Variants in LRGUK observed in about 807,000 individuals in gnomAD.
The protein encoded by LRGUK is leucine rich repeats and guanylate kinase domain containing, also known as leucine-rich repeat and guanylate kinase domain-containing protein.
A neutral mutation model predicts 76.0 loss-of-function variants in LRGUK; 65 were observed. The ratio of observed to expected loss-of-function variants is 0.85; its 90% CI spans 0.70 to 1.05. LRGUK has a LOEUF of 1.05. Ranked by LOEUF, LRGUK falls within the 50% of genes least tolerant of loss-of-function variation. The pLI is 0.00. For missense variants in LRGUK, 758 were observed against 732.8 expected (o/e 1.03, Z -0.40); for synonymous variants, 268 against 265.6 (o/e 1.01, Z -0.09).
intron 5 of LRGUK, among the ~76,000 whole-genome samples, chr7:134,151,068 A>G (rs1275322267): frequency 6.6e-6 from 1 of 152,200 alleles, no homozygotes; most frequent in East Asian, 1.9e-4. Context: ...TTGAAACAGC[A>G]TGAAATATAC....
chr7:134,243,712 A>G (rs951163438), intron 16 of LRGUK, among the ~76,000 whole-genome samples: 48 of 152,224 alleles, frequency 3.2e-4, no homozygotes, highest in Non-Finnish European at 5.4e-4. Flanking sequence ...TTTAAAGTTC[A>G]TATGGAACCA....
intron 16 of LRGUK, among the ~76,000 whole-genome samples, chr7:134,243,746 C>CA (rs1190357121): frequency 6.6e-6 from 1 of 152,206 alleles, no homozygotes; most frequent in Non-Finnish European, 1.5e-5. Context: ...ATTGCCAAGA[C>CA]AATCCTAAGC....
At chr7:134,226,218 A>ATGTGTGTGTG (rs57035440) in intron 16 of LRGUK, among the ~76,000 whole-genome samples, 2,116 of 141,748 alleles carry the variant, frequency 0.015, 62 homozygotes, top group African/African-American at 0.052. Context: ...CCCATCTCCA[A>ATGTGTGTGTG]TGTGTGTGTG....
chr7:134,127,811 T>C (rs1299334979), intron 1 of LRGUK, 147 bp downstream of exon 1: 3 of 845,966 alleles, frequency 3.5e-6, no homozygotes, highest in African/African-American at 1.8e-5. Context: ...CTTCCCCCTC[T>C]TTTCTTCCCC....
intron 5 of LRGUK, among the ~76,000 whole-genome samples, chr7:134,154,433 A>G (rs1279399331): frequency 6.6e-6 from 1 of 152,196 alleles, no homozygotes; most frequent in East Asian, 1.9e-4. Context: ...AAAGCTCTCT[A>G]TGGCCCAGGC....
chr7:134,197,950 C>G (rs1800576378), intron 13 of LRGUK, among the ~76,000 whole-genome samples: 2 of 152,092 alleles, frequency 1.3e-5, no homozygotes, highest in Admixed American at 6.6e-5. Flanking sequence ...TCAATTAGAT[C>G]AAATATACAG....
At chr7:134,148,315 G>A (rs1438420330) in exon 5 of LRGUK, 1 of 1,569,842 alleles carries the variant, frequency 6.4e-7, no homozygotes, top group Non-Finnish European at 8.7e-7. Context: ...AACTAATTTT[G>A]GATGGTATCC....
At chr7:134,143,251 A>G in intron 4 of LRGUK, 89 bp downstream of exon 4, 1 of 776,248 alleles carries the variant, frequency 1.3e-6, no homozygotes, top group South Asian at 1.5e-5. Context: ...GAGAATTCAG[A>G]GAGAATAAGA....
intron 10 of LRGUK, among the ~76,000 whole-genome samples, chr7:134,181,274 T>G (rs1238761815): frequency 4.6e-5 from 7 of 152,146 alleles, no homozygotes; most frequent in Admixed American, 1.3e-4. Context: ...TTTTGCTAAA[T>G]ATAAAATTCA....
At chr7:134,153,410 G>A (rs1798315472) in intron 5 of LRGUK, among the ~76,000 whole-genome samples, 1 of 151,986 alleles carries the variant, frequency 6.6e-6, no homozygotes, top group African/African-American at 2.4e-5. Flanking sequence ...CCAAGTTTAT[G>A]TAAATATACT....
chr7:134,183,917 G>T, intron 11 of LRGUK, 64 bp downstream of exon 11: 1 of 1,579,974 alleles, frequency 6.3e-7, no homozygotes. Context: ...GGTATCAATA[G>T]TTGTAGTAAA....
downstream of LRGUK, among the ~76,000 whole-genome samples, chr7:134,213,866 A>C (rs191613878): frequency 6.6e-6 from 1 of 152,180 alleles, no homozygotes; most frequent in Non-Finnish European, 1.5e-5. Flanking sequence ...AAAAATTGCC[A>C]TTTTCCATCT....
intron 1 of LRGUK, among the ~76,000 whole-genome samples, chr7:134,129,973 A>G (rs1001713860): frequency 4.6e-5 from 7 of 151,838 alleles, no homozygotes; most frequent in African/African-American, 9.7e-5. Context: ...GTCTTCTGTT[A>G]CTCTGATTCT....
At chr7:134,256,523 T>C (rs999174580) in intron 18 of LRGUK, among the ~76,000 whole-genome samples, 4 of 150,348 alleles carry the variant, frequency 2.7e-5, no homozygotes, top group African/African-American at 7.4e-5. Context: ...CAAGCCAGCA[T>C]CTTTCTATCA....
chr7:134,179,956 C>CT (rs1283363202), intron 10 of LRGUK, among the ~76,000 whole-genome samples: 2 of 152,182 alleles, frequency 1.3e-5, no homozygotes, highest in Non-Finnish European at 2.9e-5. Flanking sequence ...GACTTGTATG[C>CT]TGCCATTACT....
exon 11 of LRGUK, chr7:134,183,752 T>C (rs942184936): frequency 3.1e-6 from 5 of 1,614,034 alleles, no homozygotes; most frequent in Non-Finnish European, 3.4e-6. Context: ...CCAGCCTGGA[T>C]GCCCCTTATC....
At chr7:134,180,004 G>A (rs995683167) in intron 10 of LRGUK, among the ~76,000 whole-genome samples, 1 of 152,174 alleles carries the variant, frequency 6.6e-6, no homozygotes, top group African/African-American at 2.4e-5. Flanking sequence ...TAATTGGGGT[G>A]AGGATACAGT....
rs766690669 is a variant in LRGUK, at chr7:134,158,017, C to T, written c.671-18C>T. Reference sequence around the variant, plus strand: ...TGCTTTTAATAACATTTTCCTTAAACGTAGTCATGGTGTATAGGCAATGAG... The same window carrying T: ...TGCTTTTAATAACATTTTCCTTAAATGTAGTCATGGTGTATAGGCAATGAG... On this transcript the variant is annotated intron_variant, in intron 5 of 15. Coordinates refer to ENST00000645682, the Ensembl canonical transcript of LRGUK. The T allele has an allele frequency of 1.6e-5, 26 of 1,589,304 alleles. No individual in the cohort carries two copies. Among genetic ancestry groups the T allele is most frequent in the Admixed American group, 8.5e-5 (5 of 58,972 alleles).
In LRGUK at chr7:134,221,742, GACTTTTATTTTAA is replaced by G. The variant is rs535430318; in HGVS notation, c.1844-31_1844-19del. On this transcript the variant is annotated intron_variant, in intron 15 of 19. Coordinates refer to the LRGUK transcript ENST00000285928. ...CTATCACTTCAGAAATTTCCTTTAT[GACTTTTATTTTAA>G]ACTTTATTTTTTTTTCCTACCAGAT... 391 of 1,426,342 alleles carry G rather than the reference GACTTTTATTTTAA, an allele frequency of 2.7e-4. 2 individuals are homozygous for G. The African/African-American group carries it at 5.1e-3, about 19-fold the overall frequency. 88.4% of individuals were successfully genotyped at this position (1,426,342 alleles called of 1,614,324 possible).
Sources: allele counts gnomAD v4.1 joint callset (sites outside exome capture counted in the v4.1 genomes callset), GRCh38; gene constraint gnomAD v4.1.1; transcripts MANE v1.5; gene names NCBI Gene and HGNC (gene_info 2026-07-23, HGNC 2026-07-21).